Variants in GNA12 observed in about 807,000 individuals in gnomAD.
The protein encoded by GNA12 is G protein subunit alpha 12, also known as guanine nucleotide-binding protein subunit alpha-12.
GNA12 carries 9 observed loss-of-function variants against 26.0 expected under a neutral mutation model. That is an observed-to-expected ratio of 0.35 (90% confidence interval 0.21 to 0.60). GNA12 has a LOEUF of 0.60. Ranked by LOEUF, GNA12 falls within the 20% of genes least tolerant of loss-of-function variation. The pLI is 0.78. For missense variants in GNA12, 405 were observed against 525.8 expected (o/e 0.77, Z 2.25); for synonymous variants, 264 against 219.6 (o/e 1.20, Z -1.79).
chr7:2,741,943 A>G (rs1280346422), intron 2 of GNA12, among the ~76,000 whole-genome samples: 1 of 151,824 alleles, frequency 6.6e-6, no homozygotes, highest in Non-Finnish European at 1.5e-5. Context: ...TCCCTCCTCT[A>G]GCACAGAATT....
chr7:2,753,009 A>G (rs1414827235), intron 2 of GNA12, among the ~76,000 whole-genome samples: 1 of 152,224 alleles, frequency 6.6e-6, no homozygotes, highest in Non-Finnish European at 1.5e-5. Flanking sequence ...AATCACAGCC[A>G]TCCTCCTTCT....
At chr7:2,802,152 A>G (rs1792823892) in intron 1 of GNA12, among the ~76,000 whole-genome samples, 1 of 152,076 alleles carries the variant, frequency 6.6e-6, no homozygotes, top group African/African-American at 2.4e-5. Flanking sequence ...TAGCTAAGAG[A>G]AAAATCCTTT....
At chr7:2,735,411 T>C (rs1044851071) in intron 2 of GNA12, among the ~76,000 whole-genome samples, 1 of 152,082 alleles carries the variant, frequency 6.6e-6, no homozygotes, top group Non-Finnish European at 1.5e-5. Flanking sequence ...GTGGCACAGA[T>C]GCCCCAGCCA....
intron 2 of GNA12, among the ~76,000 whole-genome samples, chr7:2,784,039 C>G (rs1262949532): frequency 6.6e-6 from 1 of 152,124 alleles, no homozygotes; most frequent in East Asian, 1.9e-4. Flanking sequence ...TTCAGCAGGT[C>G]TTTAGATAAC....
intron 1 of GNA12, among the ~76,000 whole-genome samples, chr7:2,823,967 T>C (rs1793424489): frequency 6.6e-6 from 1 of 152,240 alleles, no homozygotes; most frequent in Admixed American, 6.5e-5. Context: ...GTCATTACCA[T>C]ATGCCACCAC....
chr7:2,813,851 G>A (rs1793145658), intron 1 of GNA12, among the ~76,000 whole-genome samples: 1 of 152,154 alleles, frequency 6.6e-6, no homozygotes, highest in South Asian at 2.1e-4. Flanking sequence ...CCGTTCCTGG[G>A]CGTGTCTGTG....
In GNA12 at chr7:2,731,217, G is replaced by C; in HGVS notation, c.1110C>G (p.Ile370Met). ...TGATGTCCTTCAGGTTCTCCTGCAG[G>C]ATGGTGTCTTTCACAGCATGGAACA... The part of the protein sequence containing the change: ...RFVFHAVKDT[I>M]LQENLKDIML... The change falls in exon 4 of 4, where the codon ATC (isoleucine) becomes ATG (methionine). Residue 370 changes from isoleucine to methionine, a missense_variant. By Grantham distance (10) the Ile-to-Met change is conservative. Transcript: ENST00000275364. The surrounding 1 kb of genome is among the most constrained non-coding windows in gnomAD (Gnocchi z 6.0). 6.2e-7 allele frequency: 1 copy of C among 1,613,180 alleles called. No individual in the cohort carries two copies. The highest frequency in any genetic ancestry group is 8.5e-7 in the Non-Finnish European group (1 of 1,179,586).
chr7:2,817,757 A>G (rs1793248757), intron 1 of GNA12, among the ~76,000 whole-genome samples: 1 of 152,244 alleles, frequency 6.6e-6, no homozygotes, highest in Admixed American at 6.5e-5. Context: ...TGGTTCCAGT[A>G]TTAGGACTGG....
intron 1 of GNA12, chr7:2,815,010 CCCCTTCCACCCAATCCAGT>C: frequency 6.5e-7 from 1 of 1,531,048 alleles, no homozygotes; most frequent in Non-Finnish European, 8.8e-7. Context: ...TCTAATCTCG[CCCCTTCCACCCAATCCAGT>C]CCCCTGTCAA....
At chr7:2,807,898 G>A (rs1342485191) in intron 1 of GNA12, among the ~76,000 whole-genome samples, 1 of 152,166 alleles carries the variant, frequency 6.6e-6, no homozygotes, top group Non-Finnish European at 1.5e-5. Flanking sequence ...AGCAGCCGCT[G>A]AGCTCATGAA....
intron 2 of GNA12, among the ~76,000 whole-genome samples, chr7:2,767,868 A>C (rs1399486320): frequency 6.6e-6 from 1 of 152,072 alleles, no homozygotes; most frequent in East Asian, 1.9e-4. Flanking sequence ...ATTTTATTTT[A>C]GTTTTTGAGA....
At chr7:2,791,102 A>G (rs1427432205) in intron 2 of GNA12, among the ~76,000 whole-genome samples, 2 of 152,252 alleles carry the variant, frequency 1.3e-5, no homozygotes, top group South Asian at 2.1e-4. Flanking sequence ...TGAGCAAGCT[A>G]TATTTAAAAA....
At position 2,754,964 on chromosome 7, in the gene GNA12, A is replaced by G. The variant is rs552736582; in HGVS notation, c.526-21463T>C. On this transcript the variant is annotated intron_variant, in intron 2 of 3. Coordinates refer to ENST00000275364, the MANE Select transcript of GNA12 (RefSeq NM_007353.3). ...GTAACTCAGTTTGAATTAATTTTGT[A>G]TAAGAGATTTAGGTCAAGGTTCACT... Among the ~76,000 whole-genome samples the G allele has an allele frequency of 4.2e-4, 64 of 152,284 alleles. 1 individual carries two copies. The highest frequency in any genetic ancestry group is 1.1e-3 in the African/African-American group (45 of 41,570).
chr7:2,802,836 G>A (rs144346738), intron 1 of GNA12, among the ~76,000 whole-genome samples: 19 of 152,318 alleles, frequency 1.2e-4, no homozygotes, highest in South Asian at 8.3e-4. Context: ...GAAAACTGAA[G>A]TGCAAGATAC....
intron 2 of GNA12, among the ~76,000 whole-genome samples, chr7:2,777,812 A>G (rs1230638533): frequency 6.6e-6 from 1 of 152,224 alleles, no homozygotes. Flanking sequence ...TGATGAAAAT[A>G]CTACTCCTGG....
intron 2 of GNA12, among the ~76,000 whole-genome samples, chr7:2,780,822 T>C (rs1195544494): frequency 6.6e-6 from 1 of 152,240 alleles, no homozygotes; most frequent in Admixed American, 6.5e-5. Context: ...TTTTTTCAAT[T>C]ATATATAATG....
intron 2 of GNA12, among the ~76,000 whole-genome samples, chr7:2,791,556 C>G (rs1393034947): frequency 6.6e-6 from 1 of 152,192 alleles, no homozygotes; most frequent in African/African-American, 2.4e-5. Flanking sequence ...CAGGGAGGCG[C>G]CTAGTACCTG....
chr7:2,784,087 C>G (rs967532842), intron 2 of GNA12, among the ~76,000 whole-genome samples: 3 of 152,136 alleles, frequency 2.0e-5, no homozygotes, highest in African/African-American at 4.8e-5. Context: ...TCATTTTTAT[C>G]TCATTTTATT....
At chr7:2,801,928 G>A (rs1008588994) in intron 1 of GNA12, among the ~76,000 whole-genome samples, 7 of 152,052 alleles carry the variant, frequency 4.6e-5, no homozygotes, top group Non-Finnish European at 1.0e-4. Flanking sequence ...CCGTACTTTT[G>A]CAGAACTGAT....
Sources: gnomAD v4.1 joint callset for allele counts (sites outside exome capture counted in the v4.1 genomes callset) on GRCh38, gnomAD v4.1.1 for gene constraint, Gnocchi (gnomAD v3.1) non-coding constraint, MANE v1.5 for transcripts, NCBI Gene and HGNC (gene_info 2026-07-23, HGNC 2026-07-21) for gene names.